MYBL1: variants seen among roughly 807,000 people sequenced by gnomAD.
The protein encoded by MYBL1 is myb-related protein A.
A neutral mutation model predicts 96.3 loss-of-function variants in MYBL1; 17 were observed. The observed-to-expected ratio is 0.18, with a 90% CI of 0.12 to 0.26. The LOEUF (loss-of-function observed/expected upper bound fraction) is 0.26. MYBL1 is among the 10% of genes least tolerant of loss of function. The pLI is 1.00. For synonymous variants in MYBL1, 282 were observed against 292.7 expected (o/e 0.96, Z 0.37); for missense variants, 701 against 882.9 (o/e 0.79, Z 2.61).
At chr8:66,584,188 G>A (rs958708028) in intron 8 of MYBL1, among the ~76,000 whole-genome samples, 2 of 152,014 alleles carry the variant, frequency 1.3e-5, no homozygotes, top group African/African-American at 2.4e-5. Flanking sequence ...ATCCCTTCAC[G>A]ATAAAAACTC....
chr8:66,582,235 C>T (rs988483627), intron 8 of MYBL1, among the ~76,000 whole-genome samples: 1 of 152,030 alleles, frequency 6.6e-6, no homozygotes, highest in Non-Finnish European at 1.5e-5. Context: ...ACTTAAAAGA[C>T]ATAGACTAGC....
intron 10 of MYBL1, among the ~76,000 whole-genome samples, chr8:66,575,239 T>C (rs1218627328): frequency 6.7e-6 from 1 of 149,972 alleles, no homozygotes; most frequent in East Asian, 1.9e-4. Flanking sequence ...ATTATCTAAG[T>C]TTCTTCCAAA....
intron 8 of MYBL1, among the ~76,000 whole-genome samples, chr8:66,584,293 T>C (rs925874408): frequency 3.9e-5 from 6 of 152,204 alleles, no homozygotes; most frequent in African/African-American, 1.4e-4. Context: ...TTGAAAGCTT[T>C]TTCTCTAAGA....
Position 66,579,642 on chromosome 8 carries a change from G to A in MYBL1, c.1101+491C>T, listed in dbSNP as rs1194325782. Among the ~76,000 whole-genome samples, 3 of 150,158 alleles carry A rather than the reference G, an allele frequency of 2.0e-5. No homozygotes were observed. In the East Asian group the frequency reaches 5.8e-4, roughly 29 times the overall value. ...ACTACACTCCAGCCTGGGCGACAGA[G>A]TGAGATGCCATCTTAAAAAAAAAAA... On this transcript the variant is annotated intron_variant, in intron 9 of 15. Coordinates refer to ENST00000522677, the MANE Select transcript of MYBL1 (RefSeq NM_001080416.4).
intron 10 of MYBL1, among the ~76,000 whole-genome samples, chr8:66,574,920 G>A (rs1443828918): frequency 6.6e-6 from 1 of 152,220 alleles, no homozygotes; most frequent in Admixed American, 6.5e-5. Context: ...CGGGCGTGGT[G>A]GCACATGCCT....
intron 6 of MYBL1, among the ~76,000 whole-genome samples, chr8:66,594,146 A>C (rs963222965): frequency 2.6e-5 from 4 of 152,054 alleles, no homozygotes; most frequent in Admixed American, 2.0e-4. Context: ...AAAAGAAAAA[A>C]AAAAAGCCTT....
chr8:66,563,534 T>A lies in MYBL1; in HGVS notation c.*1163A>T, dbSNP rs936475915. 1 of 152,496 alleles carries A rather than the reference T, an allele frequency of 6.6e-6. No homozygotes were observed. Among genetic ancestry groups the A allele is most frequent in the South Asian group, 2.1e-4 (1 of 4,824 alleles). 9.4% of individuals were successfully genotyped at this position (152,496 alleles called of 1,614,324 possible). ...AAAAAGGACAAAATATTTTTATAAA[T>A]AAAAGATAATGTTCTCCACTTCTGA... is the stretch of plus-strand genomic sequence containing the variant. On this transcript the variant is annotated 3_prime_UTR_variant, in exon 16 of 16. Coordinates refer to ENST00000522677, the MANE Select transcript of MYBL1 (RefSeq NM_001080416.4).
intron 8 of MYBL1, among the ~76,000 whole-genome samples, chr8:66,591,125 G>A (rs1007095861): frequency 6.6e-6 from 1 of 151,986 alleles, no homozygotes; most frequent in African/African-American, 2.4e-5. Flanking sequence ...GAGGCAGGAG[G>A]ATCACGAGGT....
Position 66,564,634 on chromosome 8 carries a change from T to C in MYBL1, c.*63A>G, listed in dbSNP as rs1352067876. ...AACAACTAATTGAGAAAAATTTCACTGCAACCTAATTTAGTAGAGACTGCA... is the reference window on the plus strand; with the variant it reads ...AACAACTAATTGAGAAAAATTTCACCGCAACCTAATTTAGTAGAGACTGCA... On this transcript the variant is annotated 3_prime_UTR_variant, in exon 16 of 16. Transcript: ENST00000522677. 4 of 1,361,732 alleles carry C rather than the reference T, an allele frequency of 2.9e-6. No homozygotes were observed. In the East Asian group the frequency reaches 1.0e-4, roughly 35 times the overall value. The allele number at this position is 1,361,732 out of a possible 1,614,324, so 84.4% of individuals were successfully genotyped here.
rs1236039054 is a variant in MYBL1, at chr8:66,563,806, T to C, written c.*891A>G. The C allele has an allele frequency of 6.6e-6, 1 of 152,546 alleles. No homozygotes were observed. Among genetic ancestry groups the C allele is most frequent in the Non-Finnish European group, 1.5e-5 (1 of 67,950 alleles). 9.4% of individuals were successfully genotyped at this position (152,546 alleles called of 1,614,324 possible). On this transcript the variant is annotated 3_prime_UTR_variant, in exon 16 of 16. Transcript: ENST00000522677. ...ACATTTAGGTAGATGTGACATACAG[T>C]ATAGATATTGTATTCTTTGCAGCTA...
At chr8:66,578,841 C>A (rs1809077886) in intron 9 of MYBL1, among the ~76,000 whole-genome samples, 1 of 152,076 alleles carries the variant, frequency 6.6e-6, no homozygotes, top group African/African-American at 2.4e-5. Context: ...AAATGTCCAA[C>A]AATGATAGAC....
Position 66,613,019 on chromosome 8 carries a change from A to ACCCGAC in MYBL1, c.-187_-182dup, listed in dbSNP as rs1472740976. 4.4e-5 allele frequency: 27 copies of ACCCGAC among 615,160 alleles called. No homozygotes were observed. The highest frequency in any genetic ancestry group is 2.9e-4 in the Middle Eastern group (1 of 3,390). The allele number at this position is 615,160 out of a possible 1,614,324, so 38.1% of individuals were successfully genotyped here. On this transcript the variant is annotated 5_prime_UTR_variant, in exon 1 of 16. Transcript: ENST00000522677. ...GGAGGGACAGCGGGGGCGGACCGCG[A>ACCCGAC]CCCGACCCCGACCCCGGCCCGCAGC...
At chr8:66,574,455 A>G (rs1364598875) in intron 10 of MYBL1, among the ~76,000 whole-genome samples, 1 of 152,186 alleles carries the variant, frequency 6.6e-6, no homozygotes, top group Non-Finnish European at 1.5e-5. Context: ...GACTATTCAC[A>G]TTGTAGTCTA....
At chr8:66,612,763 A>C in intron 1 of MYBL1, 56 bp downstream of exon 1, 1 of 1,342,672 alleles carries the variant, frequency 7.4e-7, no homozygotes, top group Non-Finnish European at 9.6e-7. Flanking sequence ...GGGATAGGAA[A>C]GAGAATCTGA....
intron 12 of MYBL1, among the ~76,000 whole-genome samples, chr8:66,568,390 G>A (rs190670477): frequency 1.8e-4 from 28 of 152,076 alleles, no homozygotes; most frequent in Admixed American, 1.5e-3. Flanking sequence ...TGGTTCAACC[G>A]ATTCTCCTGC....
At chr8:66,602,720 TATATATATATATA>T (rs1446613047) in intron 1 of MYBL1, among the ~76,000 whole-genome samples, 197 bp from the exon 2 acceptor site, 33 of 45,314 alleles carry the variant, frequency 7.3e-4, no homozygotes, top group African/African-American at 3.5e-3. Flanking sequence ...TATATATATA[TATATATATATATA>T]TTTTTTTTTT....
At chr8:66,600,467 C>T (rs892781303) in intron 3 of MYBL1, among the ~76,000 whole-genome samples, 1 of 152,200 alleles carries the variant, frequency 6.6e-6, no homozygotes, top group African/African-American at 2.4e-5. Context: ...TGTAGCATTT[C>T]TGTTAATGCT....
chr8:66,566,524 T>C (rs1322815497), intron 14 of MYBL1, among the ~76,000 whole-genome samples, 160 bp downstream of exon 14: 1 of 152,116 alleles, frequency 6.6e-6, no homozygotes, highest in African/African-American at 2.4e-5. Flanking sequence ...TAAAATATTC[T>C]CTACAGTGAA....
At chr8:66,602,726 T>C (rs1202761379) in intron 1 of MYBL1, among the ~76,000 whole-genome samples, 1 of 51,082 alleles carries the variant, frequency 2.0e-5, no homozygotes, top group Non-Finnish European at 3.7e-5. Flanking sequence ...TATATATATA[T>C]ATATATATTT....
Sources: allele counts gnomAD v4.1 joint callset (sites outside exome capture counted in the v4.1 genomes callset), GRCh38; gene constraint gnomAD v4.1.1; transcripts MANE v1.5; gene names NCBI Gene and HGNC (gene_info 2026-07-23, HGNC 2026-07-21).